KIF2A: variants seen among roughly 807,000 people sequenced by gnomAD.
The protein encoded by KIF2A is kinesin family member 2A, also known as kinesin-like protein KIF2A.
KIF2A carries 22 observed loss-of-function variants against 100.2 expected under a neutral mutation model. The observed-to-expected ratio is 0.22, with a 90% CI of 0.16 to 0.31. KIF2A has a LOEUF of 0.31. Ranked by LOEUF, KIF2A falls within the 10% of genes least tolerant of loss-of-function variation. KIF2A has a pLI of 1.00. For missense variants in KIF2A, 495 were observed against 898.7 expected, an observed-to-expected ratio of 0.55 and a Z score of 5.74; for synonymous variants, 268 against 285.9, an observed-to-expected ratio of 0.94 and a Z score of 0.63.
At chr5:62,319,885 A>G (rs1053149550) in intron 1 of KIF2A, among the ~76,000 whole-genome samples, 16 of 152,088 alleles carry the variant, frequency 1.1e-4, no homozygotes, top group African/African-American at 3.9e-4. Flanking sequence ...AATGATATAT[A>G]TGTATGTATG....
chr5:62,340,673 T>C, intron 1 of KIF2A, among the ~76,000 whole-genome samples: 1 of 152,206 alleles, frequency 6.6e-6, no homozygotes. Context: ...CATGATTTTT[T>C]CCTTTGAAAA....
intron 14 of KIF2A, among the ~76,000 whole-genome samples, chr5:62,364,110 TTAG>T (rs1326791409): frequency 6.6e-6 from 1 of 151,956 alleles, no homozygotes; most frequent in Non-Finnish European, 1.5e-5. Context: ...GATATGTGAG[TTAG>T]TAGGTCAGTT....
intron 1 of KIF2A, among the ~76,000 whole-genome samples, chr5:62,314,494 A>G (rs556126213): frequency 6.6e-6 from 1 of 152,238 alleles, no homozygotes; most frequent in East Asian, 1.9e-4. Flanking sequence ...AAGGAAGCAG[A>G]GCATGGGAAA....
chr5:62,316,437 A>G (rs1745821575), intron 1 of KIF2A, among the ~76,000 whole-genome samples: 1 of 151,816 alleles, frequency 6.6e-6, no homozygotes, highest in African/African-American at 2.4e-5. Flanking sequence ...TCTCTTTTTC[A>G]CCCTTAGGAT....
chr5:62,361,909 C>G (rs1482533279), intron 11 of KIF2A, among the ~76,000 whole-genome samples: 3 of 151,698 alleles, frequency 2.0e-5, no homozygotes. Context: ...CGCCTGTAAT[C>G]CCAGCTACTC....
intron 7 of KIF2A, among the ~76,000 whole-genome samples, chr5:62,356,470 T>G (rs972253301): frequency 3.9e-5 from 6 of 152,286 alleles, no homozygotes; most frequent in African/African-American, 1.4e-4. Flanking sequence ...GTCAGTAAAA[T>G]TTTGCAGAAG....
At chr5:62,321,447 T>C (rs903691105) in intron 1 of KIF2A, among the ~76,000 whole-genome samples, 1 of 152,234 alleles carries the variant, frequency 6.6e-6, no homozygotes, top group African/African-American at 2.4e-5. Flanking sequence ...TTTTTTATTA[T>C]AGCCGTCCTG....
intron 14 of KIF2A, among the ~76,000 whole-genome samples, chr5:62,364,528 T>C (rs247227): frequency 0.58 from 88,177 of 152,058 alleles, 27,278 homozygotes; most frequent in African/African-American, 0.81. Context: ...CTCAGAAAAA[T>C]GTGGAATGGC....
chr5:62,344,906 T>C (rs1747478519), intron 1 of KIF2A, among the ~76,000 whole-genome samples: 1 of 152,212 alleles, frequency 6.6e-6, no homozygotes, highest in Admixed American at 6.5e-5. Flanking sequence ...TATAAGATTA[T>C]GTTCATTTAT....
At chr5:62,360,112 T>G (rs541324515) in intron 9 of KIF2A, among the ~76,000 whole-genome samples, 1 of 152,118 alleles carries the variant, frequency 6.6e-6, no homozygotes, top group South Asian at 2.1e-4. Flanking sequence ...TGCCTCAGCC[T>G]CCTGAGTAGC....
intron 7 of KIF2A, among the ~76,000 whole-genome samples, chr5:62,357,100 T>C (rs1216631195): frequency 1.3e-5 from 2 of 149,212 alleles, no homozygotes; most frequent in African/African-American, 5.0e-5. Context: ...TTTTTTTTGG[T>C]CCAGAGATAA....
Position 62,353,379 on chromosome 5 carries a change from C to G in KIF2A, c.558+4C>G. The stretch of plus-strand genomic sequence containing the variant: ...ACTTAGAGAAAAAAGAGCCCAGGTT[C>G]GTAACATAAACATATATTTTGTTTA... On this transcript the variant is annotated splice_donor_region_variant and intron_variant, in intron 6 of 20. Transcript: ENST00000407818. 6.8e-7 allele frequency: 1 copy of G among 1,476,752 alleles called. No homozygotes were observed. Among genetic ancestry groups the G allele is most frequent in the Non-Finnish European group, 9.1e-7 (1 of 1,094,278 alleles). The allele number at this position is 1,476,752 out of a possible 1,614,324, so 91.5% of individuals were successfully genotyped here.
chr5:62,313,640 A>T lies in KIF2A; in HGVS notation c.64+7104A>T, dbSNP rs180978851. Among the ~76,000 whole-genome samples the T allele has an allele frequency of 1.6e-3, 240 of 152,214 alleles. 1 individual carries two copies. The highest frequency in any genetic ancestry group is 5.6e-3 in the African/African-American group (233 of 41,536). On this transcript the variant is annotated intron_variant, in intron 1 of 20. Transcript: ENST00000407818. ...AATGCTGGGATTACAGGCTTGAGCC[A>T]CTGCGCCCGGCCAGCCTCAGAGTTC... is the stretch of plus-strand genomic sequence containing the variant.
chr5:62,343,144 T>A (rs1049065582), intron 1 of KIF2A, among the ~76,000 whole-genome samples: 4 of 152,214 alleles, frequency 2.6e-5, no homozygotes, highest in Non-Finnish European at 5.9e-5. Flanking sequence ...CATCTGCTTC[T>A]CAGAGGACTC....
intron 1 of KIF2A, among the ~76,000 whole-genome samples, chr5:62,332,521 A>C (rs980458198): frequency 6.6e-6 from 1 of 152,128 alleles, no homozygotes; most frequent in Non-Finnish European, 1.5e-5. Context: ...TTGATTAAAG[A>C]TTATATTTCA....
chr5:62,345,490 A>AAAAAAAAAAAG (rs576629531), intron 1 of KIF2A, among the ~76,000 whole-genome samples: 1 of 147,864 alleles, frequency 6.8e-6, no homozygotes. Context: ...TCAAAAAAAA[A>AAAAAAAAAAAG]AAAAGAAAAG....
Position 62,363,845 on chromosome 5 carries a change from C to G in KIF2A, c.1413C>G (p.Asp471Glu). 1 of 1,613,906 alleles carries G rather than the reference C, an allele frequency of 6.2e-7. No homozygotes were observed. Among genetic ancestry groups the G allele is most frequent in the Non-Finnish European group, 8.5e-7 (1 of 1,179,848 alleles). The change falls in exon 14 of 21, where the codon GAC becomes GAG. Residue 471 changes from aspartate to glutamate, a missense_variant. Physicochemically the swap from Asp to Glu is conservative, Grantham distance 45. Transcript: ENST00000407818. ...NERGADTSSA[D>E]RQTRLEGAEI... is the part of the protein sequence containing the mutation. Reference sequence around the variant, plus strand: ...GAGGAGCTGATACTTCCAGTGCGGACAGGCAAACTAGGCTTGAAGGTGCTG... The same window carrying G: ...GAGGAGCTGATACTTCCAGTGCGGAGAGGCAAACTAGGCTTGAAGGTGCTG...
At chr5:62,364,450 G>A (rs1740971329) in intron 14 of KIF2A, among the ~76,000 whole-genome samples, 1 of 152,086 alleles carries the variant, frequency 6.6e-6, no homozygotes, top group Non-Finnish European at 1.5e-5. Flanking sequence ...CCGGCCCAGA[G>A]GGTCTTAATT....
At chr5:62,340,810 G>T (rs1747256561) in intron 1 of KIF2A, among the ~76,000 whole-genome samples, 1 of 151,814 alleles carries the variant, frequency 6.6e-6, no homozygotes, top group Non-Finnish European at 1.5e-5. Context: ...AATTTAAAAA[G>T]AAAAATTATA....
Sources: gnomAD v4.1 joint callset for allele counts (sites outside exome capture counted in the v4.1 genomes callset) on GRCh38, gnomAD v4.1.1 for gene constraint, MANE v1.5 for transcripts, NCBI Gene and HGNC (gene_info 2026-07-23, HGNC 2026-07-21) for gene names.